The following POLR1A variants were observed in gnomAD, a reference collection of about 807,000 sequenced individuals.
The protein encoded by POLR1A is RNA polymerase I subunit A, also known as DNA-directed RNA polymerase I subunit RPA1.
POLR1A carries 84 observed loss-of-function variants against 205.3 expected under a neutral mutation model. That is an observed-to-expected ratio of 0.41 (90% CI 0.34 to 0.49). The LOEUF (loss-of-function observed/expected upper bound fraction) is 0.49, where lower values mean the gene tolerates loss of function less well. Among genes scored for constraint, POLR1A ranks in the 20% least tolerant of loss-of-function variants. The probability of loss-of-function intolerance (pLI) is 0.22; values close to 1 mark genes in which losing one functional copy is unlikely to be tolerated. For missense variants in POLR1A, 1,645 were observed against 2,204.5 expected (o/e 0.75, Z 5.08); for synonymous variants, 799 against 863.7 (o/e 0.93, Z 1.31).
chr2:86,094,737 G>GCC (rs1223032685), intron 3 of POLR1A, among the ~76,000 whole-genome samples: 1 of 151,782 alleles, frequency 6.6e-6, no homozygotes, highest in Non-Finnish European at 1.5e-5. Context: ...TTAAAACCTG[G>GCC]CCCCCATTAT....
chr2:86,082,930 T>C (rs1284185744), intron 7 of POLR1A, 152 bp downstream of exon 7: 1 of 584,976 alleles, frequency 1.7e-6, no homozygotes, highest in African/African-American at 1.9e-5. Flanking sequence ...TCAATGTCAA[T>C]GTGCCCTGAA....
chr2:86,098,319 C>T (rs1049147559), intron 3 of POLR1A, among the ~76,000 whole-genome samples: 17 of 152,284 alleles, frequency 1.1e-4, no homozygotes, highest in African/African-American at 3.4e-4. Flanking sequence ...ATGTAACAAT[C>T]AAAAGCAATG....
chr2:86,087,400 T>G (rs1257703677), intron 6 of POLR1A, among the ~76,000 whole-genome samples: 2 of 152,210 alleles, frequency 1.3e-5, no homozygotes, highest in African/African-American at 4.8e-5. Flanking sequence ...TGCTATGGAC[T>G]GCCATGCATG....
At chr2:86,087,123 A>G (rs1673516274) in intron 6 of POLR1A, among the ~76,000 whole-genome samples, 1 of 152,244 alleles carries the variant, frequency 6.6e-6, no homozygotes, top group South Asian at 2.1e-4. Context: ...CAAATGCACC[A>G]TGGTAATCTA....
intron 11 of POLR1A, among the ~76,000 whole-genome samples, chr2:86,076,325 A>AG (rs1159812146): frequency 1.3e-5 from 2 of 152,308 alleles, no homozygotes; most frequent in East Asian, 3.9e-4. Flanking sequence ...TGCGTTCCTC[A>AG]GCCTGAGCCT....
At chr2:86,085,567 T>C (rs889595015) in intron 6 of POLR1A, among the ~76,000 whole-genome samples, 2 of 152,178 alleles carry the variant, frequency 1.3e-5, no homozygotes, top group East Asian at 1.9e-4. Flanking sequence ...TCTCTTCTAC[T>C]AAATAGGTTG....
At chr2:86,036,160 A>G (rs138072394) in intron 27 of POLR1A, among the ~76,000 whole-genome samples, 71 of 152,344 alleles carry the variant, frequency 4.7e-4, no homozygotes, top group African/African-American at 1.3e-3. Flanking sequence ...GCCTGGCAAC[A>G]GCTCCACCAC....
In POLR1A at chr2:86,027,109, G is replaced by A; in HGVS notation, c.*314C>T. The A allele has an allele frequency of 2.5e-6, 1 of 403,692 alleles. No individual in the cohort carries two copies. Among genetic ancestry groups the A allele is most frequent in the Non-Finnish European group, 4.6e-6 (1 of 217,022 alleles). 25.0% of individuals were successfully genotyped at this position (403,692 alleles called of 1,614,324 possible). A position where few individuals can be genotyped will look rare whatever the true frequency, so the allele number is the denominator to read the frequency against. ...ATCGTGAATCAGGACTTCTCCTTAGGGGTTATGCCACAGAGGCCTCCTGCA... is the reference window on the plus strand; with the variant it reads ...ATCGTGAATCAGGACTTCTCCTTAGAGGTTATGCCACAGAGGCCTCCTGCA... On this transcript the variant is annotated 3_prime_UTR_variant, in exon 34 of 34. Transcript: ENST00000263857.
chr2:86,066,246 G>T lies in POLR1A; in HGVS notation c.1867-781C>A, dbSNP rs558742752. Among the ~76,000 whole-genome samples, 22 of 152,268 alleles carry T rather than the reference G, an allele frequency of 1.4e-4. No homozygotes were observed. In the South Asian group the frequency reaches 4.6e-3, roughly 32 times the overall value. ...AGTGGGCCTGATGTGCATGACTGCA[G>T]AAGGGAGAATAGCCATTATTAGTTA... On this transcript the variant is annotated intron_variant, in intron 13 of 33. Coordinates refer to ENST00000263857, the MANE Select transcript of POLR1A (RefSeq NM_015425.6).
At chr2:86,051,441 A>C (rs1261759277) in intron 16 of POLR1A, among the ~76,000 whole-genome samples, 5 of 152,144 alleles carry the variant, frequency 3.3e-5, no homozygotes, top group African/African-American at 1.2e-4. Flanking sequence ...TGCAGGCCCC[A>C]GTGTGGGCCA....
chr2:86,089,859 ATT>A lies in POLR1A; in HGVS notation c.501_502del (p.Glu167AspfsTer19). ...GGACCCCAGGAGGTTGTTCTGCACA[ATT>A]TCAGTTGTGTATTGTTCTAATTCCT... is the stretch of plus-strand genomic sequence containing the variant. On this transcript the variant is annotated frameshift_variant, in exon 4 of 34. Coordinates refer to ENST00000263857, the MANE Select transcript of POLR1A (RefSeq NM_015425.6). LOFTEE classifies it high-confidence loss of function. 6.2e-7 allele frequency: 1 copy of A among 1,613,004 alleles called. No individual in the cohort carries two copies. The highest frequency in any genetic ancestry group is 8.5e-7 in the Non-Finnish European group (1 of 1,178,948).
At chr2:86,101,024 G>A (rs1001090330) in intron 1 of POLR1A, among the ~76,000 whole-genome samples, 1 of 152,156 alleles carries the variant, frequency 6.6e-6, no homozygotes, top group Non-Finnish European at 1.5e-5. Flanking sequence ...TCAATGAAGG[G>A]AATGTGATGC....
At chr2:86,045,572 C>G in intron 20 of POLR1A, 45 bp downstream of exon 20, 1 of 1,604,772 alleles carries the variant, frequency 6.2e-7, no homozygotes. Context: ...ACAATTAAGC[C>G]TAGAAATGAG....
rs770406184 is a variant in POLR1A, at chr2:86,039,401, C to T, written c.3802G>A (p.Val1268Met). The stretch of plus-strand genomic sequence containing the variant: ...TTCAGGGCTTTCTTGGTGTTGAGCA[C>T]GGGCACGCTCATCATGGGTGTCTTG... ...NIKTPMMSVP[V>M]LNTKKALKRV... The change falls in exon 26 of 34, where the codon GTG (valine) becomes ATG (methionine). Residue 1268 changes from valine to methionine, a missense_variant. Physicochemically the swap from Val to Met is conservative, Grantham distance 21 (BLOSUM62 1). Coordinates refer to ENST00000263857, the MANE Select transcript of POLR1A (RefSeq NM_015425.6). The T allele has an allele frequency of 9.3e-6, 15 of 1,613,972 alleles. No homozygotes were observed. The highest frequency in any genetic ancestry group is 3.3e-5 in the Admixed American group (2 of 60,004).
At chr2:86,032,769 T>C (rs1223999326) in intron 28 of POLR1A, among the ~76,000 whole-genome samples, 2 of 152,258 alleles carry the variant, frequency 1.3e-5, no homozygotes, top group Non-Finnish European at 1.5e-5. Context: ...TCTTGTAGAA[T>C]ACTGAGTATC....
intron 6 of POLR1A, among the ~76,000 whole-genome samples, chr2:86,086,334 A>C (rs1395666408): frequency 4.6e-5 from 7 of 151,106 alleles, no homozygotes; most frequent in African/African-American, 1.7e-4. Flanking sequence ...GATCCGCCTG[A>C]CTCGGCCTCC....
intron 3 of POLR1A, among the ~76,000 whole-genome samples, chr2:86,090,641 A>T (rs1673585692): frequency 6.6e-6 from 1 of 152,260 alleles, no homozygotes; most frequent in Non-Finnish European, 1.5e-5. Flanking sequence ...GCTGTGCTGA[A>T]GCAGGACATC....
At chr2:86,039,072 G>T (rs972541067) in intron 26 of POLR1A, among the ~76,000 whole-genome samples, 1 of 152,118 alleles carries the variant, frequency 6.6e-6, no homozygotes, top group Non-Finnish European at 1.5e-5. Flanking sequence ...TCCTAGGAGT[G>T]GCCTCAGCAG....
chr2:86,028,769 C>T lies in POLR1A; in HGVS notation c.4780-58G>A, dbSNP rs1672320990. On this transcript the variant is annotated intron_variant, in intron 31 of 33. Transcript: ENST00000263857. The surrounding 1 kb of genome is among the most constrained non-coding windows in gnomAD (Gnocchi z 4.5). ...GGCCTGGCCTTCTGCTCCCTTCTGC[C>T]TGCGTATCTCCCCCTGGCCGCTCTC... 5.6e-6 allele frequency: 7 copies of T among 1,244,784 alleles called. No individual in the cohort carries two copies. Among genetic ancestry groups the T allele is most frequent in the Non-Finnish European group, 8.2e-6 (7 of 849,478 alleles). The allele number at this position is 1,244,784 out of a possible 1,614,324, so 77.1% of individuals were successfully genotyped here.
Sources: gnomAD v4.1 joint callset for allele counts (sites outside exome capture counted in the v4.1 genomes callset) on GRCh38, gnomAD v4.1.1 for gene constraint, Gnocchi (gnomAD v3.1) non-coding constraint, MANE v1.5 for transcripts, NCBI Gene and HGNC (gene_info 2026-07-23, HGNC 2026-07-21) for gene names.